B3GALT1: variants seen among roughly 807,000 people sequenced by gnomAD.
B3GALT1 encodes beta-1,3-galactosyltransferase 1.
In B3GALT1, 10 loss-of-function variants were observed where a neutral mutation model predicts 23.2. That is an observed-to-expected ratio of 0.43 (90% confidence interval 0.27 to 0.73). The LOEUF is 0.73. Among genes scored for constraint, B3GALT1 ranks in the 30% least tolerant of loss-of-function variants. B3GALT1 has a pLI of 0.21. For missense variants in B3GALT1, 299 were observed against 405.4 expected, an observed-to-expected ratio of 0.74 and a Z score of 2.25; for synonymous variants, 156 against 141.5, an observed-to-expected ratio of 1.10 and a Z score of -0.73.
intron 1 of B3GALT1, among the ~76,000 whole-genome samples, chr2:167,442,139 T>C (rs1310430481): frequency 6.6e-6 from 1 of 151,970 alleles, no homozygotes; most frequent in Admixed American, 6.6e-5. Flanking sequence ...GTTTGGTTTT[T>C]TGTTCTTGCG....
chr2:167,823,230 T>C (rs577692591), intron 4 of B3GALT1, among the ~76,000 whole-genome samples: 1 of 152,296 alleles, frequency 6.6e-6, no homozygotes, highest in South Asian at 2.1e-4. Context: ...AACCACCTAT[T>C]GTGTTAAGGC....
chr2:167,401,593 A>G (rs1008340757), intron 1 of B3GALT1, among the ~76,000 whole-genome samples: 2 of 152,072 alleles, frequency 1.3e-5, no homozygotes, highest in East Asian at 3.9e-4. Context: ...CTGCATCCCC[A>G]ACTACAGGAG....
chr2:167,790,049 T>A (rs1371220673), intron 3 of B3GALT1, among the ~76,000 whole-genome samples: 1 of 152,170 alleles, frequency 6.6e-6, no homozygotes, highest in Non-Finnish European at 1.5e-5. Context: ...TTTGTTTTGT[T>A]TTGTTTTGTT....
chr2:167,572,411 C>T (rs1481879570), intron 2 of B3GALT1, among the ~76,000 whole-genome samples: 3 of 151,740 alleles, frequency 2.0e-5, no homozygotes, highest in Non-Finnish European at 4.4e-5. Context: ...TTCCAGAAAA[C>T]GTTTTTCAGA....
At chr2:167,568,095 A>G (rs937913887) in intron 2 of B3GALT1, among the ~76,000 whole-genome samples, 3 of 152,110 alleles carry the variant, frequency 2.0e-5, no homozygotes, top group Non-Finnish European at 2.9e-5. Flanking sequence ...ATAATAGTCC[A>G]TTATCTGGTT....
At chr2:167,809,553 A>G (rs1688833613) in intron 3 of B3GALT1, among the ~76,000 whole-genome samples, 2 of 152,238 alleles carry the variant, frequency 1.3e-5, no homozygotes, top group African/African-American at 2.4e-5. Flanking sequence ...GGTCTACTCC[A>G]GACCCTGTTT....
At chr2:167,522,869 T>A (rs1184604996) in intron 2 of B3GALT1, among the ~76,000 whole-genome samples, 2 of 152,170 alleles carry the variant, frequency 1.3e-5, no homozygotes, top group Non-Finnish European at 2.9e-5. Context: ...CACCTGTGCC[T>A]ATAGATTCCT....
chr2:167,370,510 A>G (rs1697665008), intron 1 of B3GALT1, among the ~76,000 whole-genome samples: 1 of 152,208 alleles, frequency 6.6e-6, no homozygotes, highest in Admixed American at 6.5e-5. Context: ...CGCAGGCCCC[A>G]TTTTGGTGAC....
intron 1 of B3GALT1, among the ~76,000 whole-genome samples, chr2:167,393,220 C>G (rs545089222): frequency 2.1e-5 from 3 of 145,354 alleles, no homozygotes; most frequent in African/African-American, 7.7e-5. Flanking sequence ...GGCGACAGAG[C>G]GAGACTCCGT....
chr2:167,412,862 T>C (rs1383671239), intron 1 of B3GALT1, among the ~76,000 whole-genome samples: 1 of 152,136 alleles, frequency 6.6e-6, no homozygotes, highest in Non-Finnish European at 1.5e-5. Context: ...TGGTATATTC[T>C]CATATTTGAG....
At chr2:167,337,832 G>T (rs1441899668) in intron 1 of B3GALT1, among the ~76,000 whole-genome samples, 1 of 152,096 alleles carries the variant, frequency 6.6e-6, no homozygotes, top group Admixed American at 6.6e-5. Flanking sequence ...TCATTTGTAT[G>T]CATTTGTTTC....
intron 2 of B3GALT1, among the ~76,000 whole-genome samples, chr2:167,633,603 T>C (rs111705690): frequency 0.016 from 2,497 of 151,942 alleles, 92 homozygotes; most frequent in African/African-American, 0.057. Flanking sequence ...ATTTACATAA[T>C]GGTAAAGGGA....
chr2:167,341,967 T>C (rs1697154360), intron 1 of B3GALT1, among the ~76,000 whole-genome samples: 1 of 152,204 alleles, frequency 6.6e-6, no homozygotes, highest in African/African-American at 2.4e-5. Flanking sequence ...TTGATGGACA[T>C]TACTTGCCTG....
chr2:167,468,313 A>G (rs777571842), intron 1 of B3GALT1, among the ~76,000 whole-genome samples: 4 of 152,194 alleles, frequency 2.6e-5, no homozygotes, highest in Non-Finnish European at 4.4e-5. Context: ...AAAGATAAAT[A>G]CATAATACTC....
At chr2:167,469,990 C>T (rs939342553) in intron 1 of B3GALT1, among the ~76,000 whole-genome samples, 17 of 152,108 alleles carry the variant, frequency 1.1e-4, no homozygotes, top group Non-Finnish European at 5.9e-5. Context: ...AGAATGGAAT[C>T]GTAATTTTTT....
At position 167,549,464 on chromosome 2, in the gene B3GALT1, A is replaced by G. The variant is rs184733551; in HGVS notation, c.-410+59187A>G. ...GCATACTTCAGACGAGTTCCTGACA[A>G]CAAGAAGCTTCCCATTAAAGTCATT... On this transcript the variant is annotated intron_variant, in intron 2 of 4. Transcript: ENST00000392690. 2.5e-4 allele frequency among the ~76,000 whole-genome samples: 38 copies of G among 152,348 alleles called. 1 individual carries two copies. The East Asian group carries it at 7.3e-3, about 29-fold the overall frequency.
chr2:167,462,017 C>T (rs763729466), intron 1 of B3GALT1, among the ~76,000 whole-genome samples: 1 of 152,184 alleles, frequency 6.6e-6, no homozygotes, highest in Non-Finnish European at 1.5e-5. Context: ...CACACCACTT[C>T]ATAGCAGATG....
At chr2:167,750,628 A>G (rs1687719969) in intron 3 of B3GALT1, among the ~76,000 whole-genome samples, 2 of 151,396 alleles carry the variant, frequency 1.3e-5, no homozygotes, top group Admixed American at 6.6e-5. Flanking sequence ...CAGGTGTCAT[A>G]TGACTAATCA....
chr2:167,848,247 G>T (rs1203649210), intron 4 of B3GALT1, among the ~76,000 whole-genome samples: 5 of 151,986 alleles, frequency 3.3e-5, no homozygotes, highest in Non-Finnish European at 2.9e-5. Flanking sequence ...TCTGTGAAGC[G>T]AGCATCACCC....
Sources: gnomAD v4.1 joint callset for allele counts (sites outside exome capture counted in the v4.1 genomes callset) on GRCh38, gnomAD v4.1.1 for gene constraint, MANE v1.5 for transcripts, NCBI Gene and HGNC (gene_info 2026-07-23, HGNC 2026-07-21) for gene names.